ASMTL: variants seen among roughly 807,000 people sequenced by gnomAD.
ASMTL encodes the protein acetylserotonin O-methyltransferase like.
Under a neutral mutation model 60.3 loss-of-function variants are expected in ASMTL, and 57 were observed. That is an observed-to-expected ratio of 0.95 (90% CI 0.76 to 1.18). The LOEUF (loss-of-function observed/expected upper bound fraction) is 1.18. ASMTL is among the 50% of genes most tolerant of loss of function. The pLI is 0.00. For missense variants in ASMTL, 981 were observed against 852.6 expected (o/e 1.15, Z -1.88); for synonymous variants, 419 against 373.0 (o/e 1.12, Z -1.42).
intron 3 of ASMTL, among the ~76,000 whole-genome samples, chrX:1,437,367 A>C: frequency 6.7e-6 from 1 of 148,984 alleles, no homozygotes; most frequent in South Asian, 2.1e-4. Flanking sequence ...GGTGGCTTAT[A>C]AACAGCAGAC....
chrX:1,415,992 C>T (rs764815597), intron 11 of ASMTL, among the ~76,000 whole-genome samples: 1 of 151,984 alleles, frequency 6.6e-6, no homozygotes, highest in African/African-American at 2.4e-5. Context: ...CATGGACACA[C>T]AGATACAGCA....
intron 6 of ASMTL, among the ~76,000 whole-genome samples, chrX:1,428,901 ATTTTTAT>A (rs1365410435): frequency 6.7e-6 from 1 of 149,136 alleles, no homozygotes; most frequent in African/African-American, 2.5e-5. Context: ...TTTATTTTTT[ATTTTTAT>A]TTTTTAAAGA....
chrX:1,432,028 G>A (rs1417953416), intron 6 of ASMTL: 28 of 567,656 alleles, frequency 4.9e-5, no homozygotes, highest in Admixed American at 2.5e-4. Context: ...AGTCCCCACC[G>A]CAGCCCAGCG....
chrX:1,418,152 C>T lies in ASMTL; in HGVS notation c.1379-36G>A, dbSNP rs753367283. On this transcript the variant is annotated intron_variant, in intron 10 of 12. Coordinates refer to ENST00000381317, the MANE Select transcript of ASMTL (RefSeq NM_004192.4). The stretch of plus-strand genomic sequence containing the variant: ...GCAAATGCATGCTCTGTGGCTGGGT[C>T]GTCTATGGAACTCTGACGACTCTCC... 9.3e-5 allele frequency: 145 copies of T among 1,559,722 alleles called. No individual in the cohort carries two copies. The Middle Eastern group carries it at 7.3e-3, about 79-fold the overall frequency.
chrX:1,442,110 G>A, intron 2 of ASMTL, 76 bp downstream of exon 2: 2 of 1,530,844 alleles, frequency 1.3e-6, no homozygotes, highest in Non-Finnish European at 1.8e-6. Flanking sequence ...TTTGTGTCAT[G>A]TATATTTACC....
intron 1 of ASMTL, among the ~76,000 whole-genome samples, chrX:1,444,807 T>C (rs1412843081): frequency 6.6e-6 from 1 of 152,058 alleles, no homozygotes; most frequent in Non-Finnish European, 1.5e-5. Context: ...CCTCCCATCT[T>C]TTCTCTCCAT....
At chrX:1,418,176 C>A in intron 10 of ASMTL, 60 bp from the exon 11 acceptor site, 1 of 1,516,824 alleles carries the variant, frequency 6.6e-7, no homozygotes, top group Non-Finnish European at 8.9e-7. Flanking sequence ...TGACGACTCT[C>A]CAAAGCTCAA....
Position 1,421,644 on chromosome X carries a change from G to C in ASMTL, c.1245+14C>G. The C allele has an allele frequency of 6.2e-7, 1 of 1,613,760 alleles. No homozygotes were observed. Among genetic ancestry groups the C allele is most frequent in the Non-Finnish European group, 8.5e-7 (1 of 1,179,762 alleles). On this transcript the variant is annotated intron_variant, in intron 9 of 12. Coordinates refer to ENST00000381317, the MANE Select transcript of ASMTL (RefSeq NM_004192.4). ...ACGCTAGACGGAAAGGTGTCCGCGGGGGTGTTATGCTACCTGGAACAGATC... is the reference window on the plus strand; with the variant it reads ...ACGCTAGACGGAAAGGTGTCCGCGGCGGTGTTATGCTACCTGGAACAGATC...
chrX:1,436,662 C>G (rs1243486963), intron 3 of ASMTL, among the ~76,000 whole-genome samples: 1 of 151,784 alleles, frequency 6.6e-6, no homozygotes, highest in Admixed American at 6.6e-5. Flanking sequence ...AGCCTCATTC[C>G]TGTTCATGGC....
rs774610077 is a variant in ASMTL at position 1,411,077 on chromosome X, G to A, written c.1645+1655C>T. On this transcript the variant is annotated intron_variant, in intron 12 of 12. Transcript: ENST00000381317. ...GTATGTGCCAGTAATCCAGCTACTC[G>A]GGAGGCTGAGGCAGGAGAATCACTT... 5.9e-4 allele frequency among the ~76,000 whole-genome samples: 90 copies of A among 152,128 alleles called. 1 individual carries two copies. Among genetic ancestry groups the A allele is most frequent in the African/African-American group, 2.0e-3 (81 of 41,510 alleles).
intron 12 of ASMTL, among the ~76,000 whole-genome samples, chrX:1,405,269 T>C (rs758690687): frequency 1.6e-4 from 22 of 140,844 alleles, no homozygotes; most frequent in Admixed American, 1.3e-3. Flanking sequence ...GGTACGTAGA[T>C]AGATGAGTGG....
chrX:1,442,343 A>T (rs1186322687), intron 1 of ASMTL, 26 bp from the exon 2 acceptor site: 1 of 1,613,552 alleles, frequency 6.2e-7, no homozygotes, highest in Non-Finnish European at 8.5e-7. Flanking sequence ...AGGGGTCAGA[A>T]GGGTCAATGA....
chrX:1,439,241 C>A, intron 2 of ASMTL, 97 bp from the exon 3 acceptor site: 1 of 1,301,116 alleles, frequency 7.7e-7, no homozygotes, highest in Non-Finnish European at 1.1e-6. Flanking sequence ...ACCGCAGGGG[C>A]GAAGCCAGGC....
intron 12 of ASMTL, among the ~76,000 whole-genome samples, chrX:1,407,661 A>G (rs2089916480): frequency 6.6e-6 from 1 of 152,062 alleles, no homozygotes; most frequent in Admixed American, 6.6e-5. Flanking sequence ...AGGTGGGAGG[A>G]TGGTTTGAGC....
At position 1,437,081 on chromosome X, in the gene ASMTL, C is replaced by T. The variant is rs1168877942; in HGVS notation, c.274-1323G>A. Among the ~76,000 whole-genome samples, 7 of 149,480 alleles carry T rather than the reference C, an allele frequency of 4.7e-5. No homozygotes were observed. The Admixed American group carries it at 4.7e-4, about 10-fold the overall frequency. On this transcript the variant is annotated intron_variant, in intron 3 of 12. Coordinates refer to ENST00000381317, the MANE Select transcript of ASMTL (RefSeq NM_004192.4). ...CCTCATCTCCTCTTCTTATGAGATG[C>T]TTTAGTCCATCTCAGGCTGCTGTCA... is the stretch of plus-strand genomic sequence containing the variant.
chrX:1,426,960 A>T (rs1227125911), intron 7 of ASMTL, among the ~76,000 whole-genome samples: 18 of 151,714 alleles, frequency 1.2e-4, no homozygotes, highest in Non-Finnish European at 2.6e-4. Flanking sequence ...TCCAGCCTGG[A>T]TGACAGAGCC....
chrX:1,439,328 G>C (rs2091050479), intron 2 of ASMTL, 184 bp from the exon 3 acceptor site: 1 of 159,110 alleles, frequency 6.3e-6, no homozygotes, highest in Admixed American at 6.5e-5. Context: ...TGGTCGCCCT[G>C]CAGGGGCTGG....
intron 8 of ASMTL, among the ~76,000 whole-genome samples, chrX:1,422,918 C>G (rs1372577155): frequency 1.3e-5 from 2 of 151,906 alleles, no homozygotes; most frequent in Non-Finnish European, 2.9e-5. Context: ...TGATGAAAAG[C>G]CTTTCTCCAT....
At chrX:1,418,816 G>A (rs2090390459) in intron 10 of ASMTL, 166 bp downstream of exon 10, 3 of 391,786 alleles carry the variant, frequency 7.7e-6, no homozygotes, top group Non-Finnish European at 1.0e-5. Context: ...GGGTCCTCCT[G>A]GAACTTGGGA....
Sources: gnomAD v4.1 joint callset for allele counts (sites outside exome capture counted in the v4.1 genomes callset) on GRCh38, gnomAD v4.1.1 for gene constraint, MANE v1.5 for transcripts, NCBI Gene and HGNC (gene_info 2026-07-23, HGNC 2026-07-21) for gene names.